Variants in PALM2AKAP2 observed in about 807,000 individuals in gnomAD.
PALM2AKAP2 encodes PALM2-AKAP2 fusion protein.
PALM2AKAP2 carries 37 observed loss-of-function variants against 71.5 expected under a neutral mutation model. That is an observed-to-expected ratio of 0.52 (90% CI 0.40 to 0.68). The LOEUF is 0.68. PALM2AKAP2 is among the 30% of genes least tolerant of loss of function. PALM2AKAP2 has a pLI of 0.00. For missense variants in PALM2AKAP2, 1,224 were observed against 1,191.8 expected (o/e 1.03, Z -0.40); for synonymous variants, 468 against 478.8 (o/e 0.98, Z 0.29).
chr9:109,671,311 C>T (rs1827568158), intron 1 of PALM2AKAP2, among the ~76,000 whole-genome samples: 1 of 152,118 alleles, frequency 6.6e-6, no homozygotes, highest in African/African-American at 2.4e-5. Context: ...AAGTTTTAAT[C>T]TTCTGCATAT....
intron 3 of PALM2AKAP2, among the ~76,000 whole-genome samples, chr9:109,899,876 G>C (rs187826446): frequency 2.6e-5 from 4 of 152,286 alleles, no homozygotes; most frequent in African/African-American, 9.6e-5. Flanking sequence ...AATGTTTCCT[G>C]TGGGCATATT....
chr9:109,857,154 C>T (rs1365151160), intron 1 of PALM2AKAP2, among the ~76,000 whole-genome samples: 3 of 152,186 alleles, frequency 2.0e-5, no homozygotes, highest in Non-Finnish European at 2.9e-5. Context: ...CCCCTTCCTC[C>T]TCCTGTCCTC....
At chr9:109,720,773 C>T (rs1053929109) in intron 1 of PALM2AKAP2, among the ~76,000 whole-genome samples, 1 of 152,198 alleles carries the variant, frequency 6.6e-6, no homozygotes, top group Non-Finnish European at 1.5e-5. Context: ...CAAAGGAACC[C>T]ACATGCTGTG....
intron 6 of PALM2AKAP2, among the ~76,000 whole-genome samples, chr9:109,977,000 C>A (rs1263950543): frequency 2.0e-5 from 3 of 151,840 alleles, no homozygotes; most frequent in Non-Finnish European, 4.4e-5. Context: ...TCAAACTTCA[C>A]AGTGCATCCA....
intron 1 of PALM2AKAP2, among the ~76,000 whole-genome samples, chr9:109,857,742 C>T (rs1011107461): frequency 2.6e-5 from 4 of 152,168 alleles, no homozygotes; most frequent in African/African-American, 9.7e-5. Flanking sequence ...CTTACAGTAG[C>T]TAAGTTTAGG....
intron 1 of PALM2AKAP2, among the ~76,000 whole-genome samples, chr9:109,653,464 A>C (rs10512398): frequency 0.14 from 21,537 of 152,156 alleles, 1,551 homozygotes; most frequent in Middle Eastern, 0.26. Context: ...GTCCAGAAAC[A>C]CTTTTGAAGT....
intron 1 of PALM2AKAP2, among the ~76,000 whole-genome samples, chr9:109,649,281 A>G (rs1176648082): frequency 1.3e-5 from 2 of 152,112 alleles, no homozygotes; most frequent in Non-Finnish European, 2.9e-5. Flanking sequence ...TATCTACCAC[A>G]GGGACATCTA....
chr9:109,847,940 AT>A (rs1205450614), intron 1 of PALM2AKAP2, among the ~76,000 whole-genome samples: 2 of 152,206 alleles, frequency 1.3e-5, no homozygotes, highest in East Asian at 3.8e-4. Flanking sequence ...AGAAAAATTA[AT>A]AGCCAGGATC....
intron 1 of PALM2AKAP2, among the ~76,000 whole-genome samples, chr9:109,736,661 G>A (rs138856785): frequency 3.2e-4 from 49 of 151,702 alleles, no homozygotes; most frequent in Admixed American, 8.5e-4. Flanking sequence ...TGTATCTATC[G>A]CGTAGTGGTG....
intron 1 of PALM2AKAP2, among the ~76,000 whole-genome samples, chr9:109,783,110 A>T (rs1488644916): frequency 6.6e-6 from 1 of 152,006 alleles, no homozygotes; most frequent in Non-Finnish European, 1.5e-5. Context: ...GGCAGTCTTT[A>T]GTCTGGGTCT....
At chr9:109,642,841 A>C (rs1587851403) in intron 1 of PALM2AKAP2, among the ~76,000 whole-genome samples, 1 of 135,866 alleles carries the variant, frequency 7.4e-6, no homozygotes, top group Admixed American at 7.3e-5. Flanking sequence ...CACCATGCCC[A>C]GTCTTTTTTT....
In PALM2AKAP2 at chr9:109,980,976, T is replaced by C. The variant is rs547094837; in HGVS notation, c.497-34978T>C. ...CAGCTTCGTGGTTTGTGCCTCCATTTCCTTCTCTGTACCATGGGAATGCGC... is the reference window on the plus strand; with the variant it reads ...CAGCTTCGTGGTTTGTGCCTCCATTCCCTTCTCTGTACCATGGGAATGCGC... On this transcript the variant is annotated intron_variant, in intron 6 of 9. Coordinates refer to the PALM2AKAP2 transcript ENST00000302798. Among the ~76,000 whole-genome samples, 144 of 152,358 alleles carry C rather than the reference T, an allele frequency of 9.5e-4. 3 individuals are homozygous for C. In the Middle Eastern group the frequency reaches 0.01, roughly 11 times the overall value.
At chr9:109,836,662 A>C (rs1281746181) in intron 1 of PALM2AKAP2, among the ~76,000 whole-genome samples, 1 of 152,210 alleles carries the variant, frequency 6.6e-6, no homozygotes, top group Non-Finnish European at 1.5e-5. Context: ...AACTAGAATA[A>C]CCAGTGTAGA....
At chr9:109,682,214 G>A (rs1295707274) in intron 1 of PALM2AKAP2, among the ~76,000 whole-genome samples, 1 of 152,170 alleles carries the variant, frequency 6.6e-6, no homozygotes, top group African/African-American at 2.4e-5. Context: ...GCTTAATGTA[G>A]CTCAAAACAT....
chr9:109,704,065 T>A (rs981325573), intron 1 of PALM2AKAP2, among the ~76,000 whole-genome samples: 10 of 152,122 alleles, frequency 6.6e-5, no homozygotes, highest in African/African-American at 2.4e-4. Flanking sequence ...AGGACAGTGG[T>A]GAGGGGACAT....
chr9:109,678,246 C>G (rs1427051484), intron 1 of PALM2AKAP2, among the ~76,000 whole-genome samples: 1 of 152,230 alleles, frequency 6.6e-6, no homozygotes, highest in Non-Finnish European at 1.5e-5. Flanking sequence ...GGCAACATGA[C>G]TGTCCACATC....
At chr9:109,730,335 TG>T (rs1342243546) in intron 1 of PALM2AKAP2, among the ~76,000 whole-genome samples, 4 of 152,344 alleles carry the variant, frequency 2.6e-5, no homozygotes, top group Admixed American at 2.6e-4. Flanking sequence ...GGTCAGAAGC[TG>T]GACTTTCGCC....
chr9:110,023,198 G>A (rs1226761003), intron 7 of PALM2AKAP2, among the ~76,000 whole-genome samples: 1 of 150,952 alleles, frequency 6.6e-6, no homozygotes, highest in Non-Finnish European at 1.5e-5. Flanking sequence ...CCCACCAACA[G>A]TGTAAAAGTG....
At chr9:109,854,928 G>A (rs1198820979) in intron 1 of PALM2AKAP2, among the ~76,000 whole-genome samples, 3 of 151,364 alleles carry the variant, frequency 2.0e-5, no homozygotes, top group Non-Finnish European at 2.9e-5. Context: ...GTGCCACCAC[G>A]CCTGGCTAAT....
Sources: gnomAD v4.1 joint callset for allele counts (sites outside exome capture counted in the v4.1 genomes callset) on GRCh38, gnomAD v4.1.1 for gene constraint, MANE v1.5 for transcripts, NCBI Gene and HGNC (gene_info 2026-07-23, HGNC 2026-07-21) for gene names.